ME1: variants seen among roughly 807,000 people sequenced by gnomAD.
ME1 encodes malic enzyme 1.
ME1 carries 74 observed loss-of-function variants against 66.4 expected under a neutral mutation model. The observed-to-expected ratio is 1.11, with a 90% CI of 0.92 to 1.35. The LOEUF is 1.35. Among genes scored for constraint, ME1 ranks in the 40% most tolerant of loss-of-function variants. ME1 has a pLI of 0.00. For missense variants in ME1, 750 were observed against 694.1 expected (o/e 1.08, Z -0.90); for synonymous variants, 251 against 235.6 (o/e 1.07, Z -0.60).
intron 3 of ME1, chr6:83,393,086 C>T: frequency 2.1e-6 from 3 of 1,455,322 alleles, no homozygotes; most frequent in Middle Eastern, 2.4e-4. Flanking sequence ...ACGGGAAGCT[C>T]ACTGGCATGG....
intron 2 of ME1, among the ~76,000 whole-genome samples, chr6:83,406,449 C>A (rs1769946003): frequency 1.3e-5 from 2 of 152,096 alleles, no homozygotes; most frequent in South Asian, 4.1e-4. Context: ...GCTGTGAATC[C>A]ATCTGATCCT....
intron 1 of ME1, among the ~76,000 whole-genome samples, chr6:83,422,308 G>A (rs1030002615): frequency 2.0e-5 from 3 of 152,164 alleles, no homozygotes; most frequent in African/African-American, 7.2e-5. Context: ...TATCGGAACC[G>A]CAGGCCACAG....
chr6:83,290,763 T>C (rs2128534784), intron 6 of ME1, among the ~76,000 whole-genome samples: 1 of 152,306 alleles, frequency 6.6e-6, no homozygotes, highest in Admixed American at 6.5e-5. Flanking sequence ...TCTAAGTCTC[T>C]TTGTAGGTCT....
At chr6:83,277,509 A>G (rs1767205371) in intron 6 of ME1, among the ~76,000 whole-genome samples, 1 of 152,250 alleles carries the variant, frequency 6.6e-6, no homozygotes, top group South Asian at 2.1e-4. Flanking sequence ...CAGAATAGTT[A>G]GAATACCATA....
At chr6:83,373,950 T>C (rs561557367) in intron 3 of ME1, among the ~76,000 whole-genome samples, 3 of 152,372 alleles carry the variant, frequency 2.0e-5, no homozygotes, top group Non-Finnish European at 2.9e-5. Context: ...CATTCGTTTT[T>C]ATGGCTGCAT....
intron 6 of ME1, among the ~76,000 whole-genome samples, chr6:83,271,511 T>A (rs766076657): frequency 6.6e-6 from 1 of 152,232 alleles, no homozygotes; most frequent in Non-Finnish European, 1.5e-5. Context: ...ATATTAGTCA[T>A]TGATATGATT....
At chr6:83,226,302 A>C (rs918231638) in intron 11 of ME1, among the ~76,000 whole-genome samples, 1 of 152,226 alleles carries the variant, frequency 6.6e-6, no homozygotes, top group African/African-American at 2.4e-5. Flanking sequence ...TGTGTGTTAT[A>C]GATAAGTCTC....
intron 6 of ME1, among the ~76,000 whole-genome samples, chr6:83,260,297 C>T (rs567043433): frequency 8.8e-4 from 134 of 151,968 alleles, no homozygotes; most frequent in African/African-American, 3.1e-3. Flanking sequence ...TTTTGAAGTT[C>T]GGTTTATAAC....
intron 3 of ME1, among the ~76,000 whole-genome samples, chr6:83,372,629 T>C (rs1769210170): frequency 6.6e-6 from 1 of 152,210 alleles, no homozygotes; most frequent in South Asian, 2.1e-4. Context: ...CTGGATTTGG[T>C]GAGGTAACTT....
At chr6:83,241,649 A>G (rs1255451315) in intron 7 of ME1, among the ~76,000 whole-genome samples, 2 of 152,180 alleles carry the variant, frequency 1.3e-5, no homozygotes, top group East Asian at 3.8e-4. Context: ...TTTAACTTGA[A>G]CATGATTCTT....
intron 6 of ME1, among the ~76,000 whole-genome samples, chr6:83,285,955 C>CA (rs1767389060): frequency 6.6e-6 from 1 of 152,126 alleles, no homozygotes; most frequent in African/African-American, 2.4e-5. Context: ...AAAATTCAGC[C>CA]AAAAGCATAC....
Position 83,407,894 on chromosome 6 carries a change from G to T in ME1, c.86C>A (p.Ala29Asp). 1 of 1,606,834 alleles carries T rather than the reference G, an allele frequency of 6.2e-7. No homozygotes were observed. Reference sequence around the variant, plus strand: ...TTGCTGTCTCTCTTCCAGGGTAAAGGCCAAGTCCTATAGAGAAAAAACACA... The same window carrying T: ...TTGCTGTCTCTCTTCCAGGGTAAAGTCCAAGTCCTATAGAGAAAAAACACA... Reference protein sequence around the residue: ...TRNPHLNKDLAFTLEERQQLN... With the variant: ...TRNPHLNKDLDFTLEERQQLN... Residue 29 changes from alanine (A) to aspartate (D), a missense_variant, in exon 2 of 14, where the codon GCC becomes GAC. Physicochemically the swap from Ala to Asp is moderately radical, Grantham distance 126. Coordinates refer to ENST00000369705, the MANE Select transcript of ME1 (RefSeq NM_002395.6).
intron 5 of ME1, among the ~76,000 whole-genome samples, chr6:83,316,267 G>A (rs887826078): frequency 6.6e-6 from 1 of 152,056 alleles, no homozygotes; most frequent in Non-Finnish European, 1.5e-5. Context: ...TTCTTAAACT[G>A]ATATATCTGA....
chr6:83,430,348 C>A (rs115685546), intron 1 of ME1, among the ~76,000 whole-genome samples: 1 of 152,174 alleles, frequency 6.6e-6, no homozygotes. Flanking sequence ...CTCCAGAAAC[C>A]GAGAGGACTT....
At chr6:83,380,007 C>T (rs915021413) in intron 3 of ME1, among the ~76,000 whole-genome samples, 1 of 152,066 alleles carries the variant, frequency 6.6e-6, no homozygotes, top group African/African-American at 2.4e-5. Flanking sequence ...CAAACCAACC[C>T]TCTTCAGGTC....
At chr6:83,255,261 C>A (rs1375703659) in intron 6 of ME1, among the ~76,000 whole-genome samples, 1 of 151,646 alleles carries the variant, frequency 6.6e-6, no homozygotes, top group Non-Finnish European at 1.5e-5. Context: ...TTCACTTGTT[C>A]ATTTTTCCAT....
intron 5 of ME1, among the ~76,000 whole-genome samples, chr6:83,317,995 C>A (rs940340098): frequency 6.6e-6 from 1 of 152,050 alleles, no homozygotes; most frequent in Non-Finnish European, 1.5e-5. Context: ...AGAAATAACG[C>A]CACATATCTA....
intron 1 of ME1, among the ~76,000 whole-genome samples, chr6:83,422,484 G>C (rs550818905): frequency 2.6e-4 from 39 of 152,224 alleles, no homozygotes; most frequent in Middle Eastern, 3.4e-3. Context: ...CGTTAACTTG[G>C]AAAATAAAAG....
At chr6:83,358,666 A>G (rs569413739) in intron 3 of ME1, among the ~76,000 whole-genome samples, 1 of 152,228 alleles carries the variant, frequency 6.6e-6, no homozygotes, top group African/African-American at 2.4e-5. Context: ...AACCCCAATG[A>G]AACTGGGGAC....
Sources: allele counts gnomAD v4.1 joint callset (sites outside exome capture counted in the v4.1 genomes callset), GRCh38; gene constraint gnomAD v4.1.1; transcripts MANE v1.5; gene names NCBI Gene and HGNC (gene_info 2026-07-23, HGNC 2026-07-21).